The following DLG2 variants were observed in gnomAD, a reference collection of about 807,000 sequenced individuals.
DLG2 encodes discs large MAGUK scaffold protein 2, also known as disks large homolog 2.
In DLG2, 45 loss-of-function variants were observed where a neutral mutation model predicts 132.5. The ratio of observed to expected loss-of-function variants is 0.34; its 90% CI spans 0.27 to 0.44. DLG2 has a LOEUF of 0.44. Ranked by LOEUF, DLG2 falls within the 20% of genes least tolerant of loss-of-function variation. The pLI is 1.00. For synonymous variants in DLG2, 424 were observed against 419.6 expected, an observed-to-expected ratio of 1.01 and a Z score of -0.13; for missense variants, 1,045 against 1,196.9, an observed-to-expected ratio of 0.87 and a Z score of 1.87.
At chr11:84,388,926 T>C (rs966862456) in intron 7 of DLG2, among the ~76,000 whole-genome samples, 7 of 152,142 alleles carry the variant, frequency 4.6e-5, no homozygotes, top group Non-Finnish European at 1.0e-4. Flanking sequence ...AGTATCCAGT[T>C]TTCTCCCTGA....
chr11:84,747,578 T>C (rs1306293500), intron 6 of DLG2, among the ~76,000 whole-genome samples: 2 of 152,198 alleles, frequency 1.3e-5, no homozygotes, highest in African/African-American at 4.8e-5. Flanking sequence ...ATTGAATTGC[T>C]ATAAGATAAA....
intron 6 of DLG2, among the ~76,000 whole-genome samples, chr11:84,558,178 T>C (rs2099415772): frequency 6.6e-6 from 1 of 152,194 alleles, no homozygotes; most frequent in Admixed American, 6.6e-5. Context: ...TCTCTAACGC[T>C]TGTGATGAAC....
intron 16 of DLG2, among the ~76,000 whole-genome samples, chr11:83,865,826 A>C (rs2062235985): frequency 6.6e-6 from 1 of 152,206 alleles, no homozygotes; most frequent in Non-Finnish European, 1.5e-5. Flanking sequence ...CAGTGAGTCA[A>C]CCATGAGTCA....
intron 17 of DLG2, among the ~76,000 whole-genome samples, chr11:83,825,502 A>G (rs921053717): frequency 3.8e-4 from 58 of 151,922 alleles, no homozygotes; most frequent in African/African-American, 1.4e-3. Flanking sequence ...TTTCTTTAAC[A>G]TATATTATAC....
chr11:85,476,317 G>A (rs2093140098), intron 3 of DLG2, among the ~76,000 whole-genome samples: 1 of 150,830 alleles, frequency 6.6e-6, no homozygotes, highest in African/African-American at 2.4e-5. Context: ...TCTGGAAGTT[G>A]CTCTGGGTGA....
intron 6 of DLG2, among the ~76,000 whole-genome samples, chr11:84,713,507 T>A (rs1016119954): frequency 2.0e-5 from 3 of 152,094 alleles, no homozygotes; most frequent in African/African-American, 7.2e-5. Context: ...AACACTTGGA[T>A]TTTTTGCATA....
chr11:83,907,372 C>A (rs1381874448), intron 15 of DLG2, among the ~76,000 whole-genome samples: 1 of 151,998 alleles, frequency 6.6e-6, no homozygotes, highest in African/African-American at 2.4e-5. Context: ...ATAGAAAATA[C>A]AAAAATAATA....
intron 17 of DLG2, among the ~76,000 whole-genome samples, chr11:83,830,468 A>G (rs2054172101): frequency 6.6e-6 from 1 of 152,226 alleles, no homozygotes; most frequent in Admixed American, 6.5e-5. Context: ...GTCTAATGCC[A>G]TCTCTGTAGC....
intron 8 of DLG2, among the ~76,000 whole-genome samples, chr11:84,171,928 T>G (rs1190814814): frequency 1.3e-5 from 2 of 152,194 alleles, no homozygotes; most frequent in African/African-American, 2.4e-5. Flanking sequence ...TCTCCTAGAC[T>G]ATCTTCACTA....
chr11:84,430,151 C>T (rs1221690888), intron 7 of DLG2, among the ~76,000 whole-genome samples: 1 of 152,068 alleles, frequency 6.6e-6, no homozygotes, highest in African/African-American at 2.4e-5. Context: ...TGAAATGCAG[C>T]TAATAGCCAG....
chr11:85,291,585 C>CTTTTTTTTT (rs11436726), intron 3 of DLG2, among the ~76,000 whole-genome samples: 1 of 138,786 alleles, frequency 7.2e-6, no homozygotes, highest in Non-Finnish European at 1.5e-5. Context: ...GGATTCTCTT[C>CTTTTTTTTT]TTTTTTTTTT....
At chr11:84,535,386 T>C (rs2099352931) in intron 6 of DLG2, among the ~76,000 whole-genome samples, 2 of 152,186 alleles carry the variant, frequency 1.3e-5, no homozygotes. Flanking sequence ...ACTTTAAAAA[T>C]CAAGGCAAGT....
intron 5 of DLG2, among the ~76,000 whole-genome samples, chr11:85,123,692 T>C (rs998309789): frequency 3.3e-5 from 5 of 152,200 alleles, no homozygotes; most frequent in Admixed American, 2.0e-4. Context: ...CAAGAACTCA[T>C]TCATTTACTC....
intron 4 of DLG2, among the ~76,000 whole-genome samples, chr11:85,231,135 CA>C (rs1018831990): frequency 2.0e-5 from 3 of 151,382 alleles, no homozygotes; most frequent in Admixed American, 6.6e-5. Flanking sequence ...ATTATTTCAC[CA>C]AAAAAAATTT....
At chr11:84,363,507 T>G (rs1204926919) in intron 7 of DLG2, among the ~76,000 whole-genome samples, 2 of 152,068 alleles carry the variant, frequency 1.3e-5, no homozygotes, top group African/African-American at 2.4e-5. Context: ...AGAAGCTCTT[T>G]AGTTTAATTA....
In DLG2 at chr11:84,837,387, T is replaced by C. The variant is rs192248000; in HGVS notation, c.357+274274A>G. 5.1e-4 allele frequency among the ~76,000 whole-genome samples: 78 copies of C among 151,842 alleles called. 1 individual carries two copies. Among genetic ancestry groups the C allele is most frequent in the Admixed American group, 5.1e-3 (77 of 15,214 alleles). On this transcript the variant is annotated intron_variant, in intron 6 of 27. Coordinates refer to ENST00000376104, the MANE Select transcript of DLG2 (RefSeq NM_001142699.3). ...ACTGAATATCTCAGTTTGAAGACAC[T>C]GATGAGAAGGCAAGGTGCTGGAAAG... is the stretch of plus-strand genomic sequence containing the variant.
chr11:85,595,673 A>G (rs1057466955), intron 3 of DLG2, among the ~76,000 whole-genome samples: 1 of 152,246 alleles, frequency 6.6e-6, no homozygotes, highest in Non-Finnish European at 1.5e-5. Context: ...TCTAGAAGAA[A>G]GGAGGAAGAA....
At chr11:85,620,151 C>G (rs2081600559) in intron 2 of DLG2, among the ~76,000 whole-genome samples, 1 of 152,138 alleles carries the variant, frequency 6.6e-6, no homozygotes, top group Admixed American at 6.5e-5. Context: ...TTTCATTAGT[C>G]TTTTATTTGT....
At chr11:83,753,193 C>T (rs1057407013) in intron 18 of DLG2, among the ~76,000 whole-genome samples, 2 of 152,076 alleles carry the variant, frequency 1.3e-5, no homozygotes, top group African/African-American at 2.4e-5. Flanking sequence ...GAGGCTGAGG[C>T]GGGTGGATCA....
Sources: gnomAD v4.1 joint callset for allele counts (sites outside exome capture counted in the v4.1 genomes callset) on GRCh38, gnomAD v4.1.1 for gene constraint, MANE v1.5 for transcripts, NCBI Gene and HGNC (gene_info 2026-07-23, HGNC 2026-07-21) for gene names.